The following LRP1B variants were observed in gnomAD, a reference collection of about 807,000 sequenced individuals.
LRP1B encodes low-density lipoprotein receptor-related protein 1B.
LRP1B carries 217 observed loss-of-function variants against 556.6 expected under a neutral mutation model. The observed-to-expected ratio is 0.39, with a 90% CI of 0.35 to 0.44. The LOEUF is 0.44. LRP1B is among the 20% of genes least tolerant of loss of function. The pLI is 1.00. For synonymous variants in LRP1B, 2,047 were observed against 1,865.8 expected (o/e 1.10, Z -2.50); for missense variants, 5,053 against 5,620.8 (o/e 0.90, Z 3.23).
intron 3 of LRP1B, among the ~76,000 whole-genome samples, chr2:141,442,902 G>A (rs192563549): frequency 5.9e-5 from 9 of 152,222 alleles, no homozygotes; most frequent in African/African-American, 2.2e-4. Context: ...ATATGCATGT[G>A]TCTTCATAGT....
intron 11 of LRP1B, among the ~76,000 whole-genome samples, chr2:141,039,695 G>A (rs1698640075): frequency 6.6e-6 from 1 of 151,940 alleles, no homozygotes; most frequent in Admixed American, 6.6e-5. Flanking sequence ...TATTTTGGGT[G>A]GAAATAAAGG....
intron 1 of LRP1B, among the ~76,000 whole-genome samples, chr2:141,834,085 G>A (rs1018212468): frequency 3.3e-5 from 5 of 151,832 alleles, no homozygotes; most frequent in African/African-American, 1.2e-4. Context: ...AGGCGTGCCT[G>A]GTAGGGAGTT....
At chr2:140,345,187 A>G (rs1681589048) in intron 77 of LRP1B, among the ~76,000 whole-genome samples, 1 of 151,766 alleles carries the variant, frequency 6.6e-6, no homozygotes, top group African/African-American at 2.4e-5. Flanking sequence ...TGTAACAATC[A>G]AAAATATCTC....
intron 1 of LRP1B, among the ~76,000 whole-genome samples, chr2:142,091,961 T>C (rs1706189364): frequency 6.6e-6 from 1 of 152,166 alleles, no homozygotes; most frequent in African/African-American, 2.4e-5. Context: ...TTTTTTCTAC[T>C]TTGAGTAGAG....
intron 1 of LRP1B, among the ~76,000 whole-genome samples, chr2:141,858,439 T>C (rs925490077): frequency 1.2e-4 from 18 of 152,192 alleles, no homozygotes; most frequent in Admixed American, 9.8e-4. Context: ...TAGACAATTC[T>C]TTTTGAATGA....
chr2:140,274,285 CTA>C (rs1682579786), intron 85 of LRP1B, 137 bp downstream of exon 85: 1 of 686,224 alleles, frequency 1.5e-6, no homozygotes. Context: ...GACTTACTCT[CTA>C]ATCATAAAAA....
At chr2:140,342,075 G>A (rs1378220804) in intron 77 of LRP1B, among the ~76,000 whole-genome samples, 1 of 151,472 alleles carries the variant, frequency 6.6e-6, no homozygotes, top group East Asian at 1.9e-4. Context: ...AAAAATAGCA[G>A]ATGCTGGTGA....
intron 2 of LRP1B, among the ~76,000 whole-genome samples, chr2:141,740,606 T>A (rs1693660127): frequency 6.6e-6 from 1 of 152,198 alleles, no homozygotes; most frequent in Admixed American, 6.5e-5. Flanking sequence ...TTATACTCTT[T>A]CAGTTATTTA....
intron 3 of LRP1B, among the ~76,000 whole-genome samples, chr2:141,314,934 A>G (rs1445650328): frequency 6.8e-6 from 1 of 146,906 alleles, no homozygotes; most frequent in African/African-American, 2.5e-5. Flanking sequence ...GTATAGGCCT[A>G]CAAGAAATCT....
intron 35 of LRP1B, among the ~76,000 whole-genome samples, chr2:140,748,887 C>T (rs1157184642): frequency 8.5e-6 from 1 of 117,608 alleles, no homozygotes; most frequent in African/African-American, 3.4e-5. Flanking sequence ...TCATGCATCA[C>T]TTAACAACAG....
At chr2:141,495,889 T>C (rs1415079575) in intron 2 of LRP1B, among the ~76,000 whole-genome samples, 4 of 152,252 alleles carry the variant, frequency 2.6e-5, no homozygotes, top group Admixed American at 2.6e-4. Context: ...CTCATTATGA[T>C]ATTATCTAAT....
At chr2:141,365,734 A>C (rs1374944123) in intron 3 of LRP1B, among the ~76,000 whole-genome samples, 1 of 141,588 alleles carries the variant, frequency 7.1e-6, no homozygotes, top group Non-Finnish European at 1.5e-5. Flanking sequence ...GTGCAGTGGC[A>C]CAATCTCGGC....
intron 3 of LRP1B, among the ~76,000 whole-genome samples, chr2:141,374,567 T>C (rs1689357611): frequency 6.6e-6 from 1 of 152,200 alleles, no homozygotes; most frequent in Admixed American, 6.5e-5. Context: ...TCATTCATTC[T>C]ATTTTATCCT....
At chr2:142,062,228 A>G (rs142313380) in intron 1 of LRP1B, among the ~76,000 whole-genome samples, 6 of 151,968 alleles carry the variant, frequency 3.9e-5, no homozygotes, top group Admixed American at 6.6e-5. Flanking sequence ...ACAAGAAACT[A>G]AAAGGGTTAT....
chr2:141,541,048 A>G (rs966921544), intron 2 of LRP1B, among the ~76,000 whole-genome samples: 7 of 152,090 alleles, frequency 4.6e-5, no homozygotes, highest in Non-Finnish European at 8.8e-5. Context: ...ATATCATTCA[A>G]GTTAAAATCT....
chr2:141,772,869 C>A (rs1051155524), intron 2 of LRP1B, among the ~76,000 whole-genome samples: 2 of 152,146 alleles, frequency 1.3e-5, no homozygotes, highest in African/African-American at 2.4e-5. Flanking sequence ...CTTCTCAGTT[C>A]TTTCTACCCG....
At chr2:140,240,328 T>C (rs1175884678) in intron 87 of LRP1B, among the ~76,000 whole-genome samples, 3 of 150,988 alleles carry the variant, frequency 2.0e-5, no homozygotes, top group African/African-American at 4.8e-5. Context: ...ACTAACAGAA[T>C]AGATCTTCAA....
At chr2:140,254,437 A>AT in intron 86 of LRP1B, among the ~76,000 whole-genome samples, 1 of 152,198 alleles carries the variant, frequency 6.6e-6, no homozygotes, top group Non-Finnish European at 1.5e-5. Flanking sequence ...AGTCTGAAAC[A>AT]TTGGGAAATG....
chr2:141,156,769 A>G (rs571467838), intron 7 of LRP1B, among the ~76,000 whole-genome samples: 52 of 152,278 alleles, frequency 3.4e-4, no homozygotes, highest in African/African-American at 1.2e-3. Flanking sequence ...CATATGTGCA[A>G]TGTAGGAATT....
Sources: gnomAD v4.1 joint callset for allele counts (sites outside exome capture counted in the v4.1 genomes callset) on GRCh38, gnomAD v4.1.1 for gene constraint, MANE v1.5 for transcripts, NCBI Gene and HGNC (gene_info 2026-07-23, HGNC 2026-07-21) for gene names.